ZFYVE16: variants seen among roughly 807,000 people sequenced by gnomAD.
The protein encoded by ZFYVE16 is zinc finger FYVE domain-containing protein 16.
A neutral mutation model predicts 138.1 loss-of-function variants in ZFYVE16; 89 were observed. The ratio of observed to expected loss-of-function variants is 0.64; its 90% CI spans 0.54 to 0.77. The LOEUF (loss-of-function observed/expected upper bound fraction) is 0.77. Among genes scored for constraint, ZFYVE16 ranks in the 30% least tolerant of loss-of-function variants. The pLI is 0.00. For synonymous variants in ZFYVE16, 596 were observed against 618.3 expected, an observed-to-expected ratio of 0.96 and a Z score of 0.53; for missense variants, 1,793 against 1,786.7, an observed-to-expected ratio of 1.00 and a Z score of -0.06.
chr5:80,414,895 C>A (rs144277077), intron 1 of ZFYVE16, among the ~76,000 whole-genome samples: 383 of 152,282 alleles, frequency 2.5e-3, no homozygotes, highest in African/African-American at 7.4e-3. Context: ...GGGTGATCCT[C>A]CCTTCAACCA....
intron 12 of ZFYVE16, 116 bp downstream of exon 12, chr5:80,455,890 C>A: frequency 1.1e-6 from 1 of 883,186 alleles, no homozygotes; most frequent in South Asian, 1.7e-5. Flanking sequence ...GGTATAATGA[C>A]CATTCATTTA....
intron 14 of ZFYVE16, 90 bp from the exon 15 acceptor site, chr5:80,459,313 TTTATTGAGTAC>T: frequency 3.6e-6 from 3 of 844,688 alleles, no homozygotes; most frequent in Non-Finnish European, 3.7e-6. Flanking sequence ...GGGTATAACA[TTTATTGAGTAC>T]TTATATGCAT....
intron 15 of ZFYVE16, among the ~76,000 whole-genome samples, chr5:80,467,144 C>T (rs893205712): frequency 2.0e-5 from 3 of 152,088 alleles, no homozygotes; most frequent in African/African-American, 4.8e-5. Flanking sequence ...GAGTGTTTGT[C>T]GAAATGGAAT....
rs1200173650 is a variant in ZFYVE16 at position 80,480,176 on chromosome 5, G to T, written c.*2799G>T. Among the ~76,000 whole-genome samples, 1 of 152,086 alleles carries T rather than the reference G, an allele frequency of 6.6e-6. No individual in the cohort carries two copies. The highest frequency in any genetic ancestry group is 1.5e-5 in the Non-Finnish European group (1 of 68,030). ...CAATGAAAACAAACTCACAGATATA[G>T]GTATTAGATTTGTTTTCTTTGTTTA... On this transcript the variant is annotated 3_prime_UTR_variant, in exon 19 of 19. Transcript: ENST00000505560.
At chr5:80,433,850 G>C (rs916268277) in intron 2 of ZFYVE16, among the ~76,000 whole-genome samples, 1 of 151,966 alleles carries the variant, frequency 6.6e-6, no homozygotes. Context: ...ATTCTTCTTT[G>C]ACCCATGAGT....
intron 14 of ZFYVE16, among the ~76,000 whole-genome samples, chr5:80,458,370 T>C (rs1336187482): frequency 2.0e-5 from 3 of 152,198 alleles, no homozygotes; most frequent in African/African-American, 4.8e-5. Context: ...ACCAATGTTA[T>C]CAGTTCTTAT....
chr5:80,410,274 G>C (rs950767928), intron 1 of ZFYVE16: 1 of 151,816 alleles, frequency 6.6e-6, no homozygotes, highest in African/African-American at 2.4e-5. Flanking sequence ...TTGTCACATT[G>C]TTTTCATGGG....
At position 80,448,665 on chromosome 5, in the gene ZFYVE16, G is replaced by A. The variant is rs73121770; in HGVS notation, c.3103+261G>A. Among the ~76,000 whole-genome samples the A allele has an allele frequency of 6.5e-3, 995 of 152,154 alleles. 9 individuals are homozygous for A. The highest frequency in any genetic ancestry group is 0.023 in the African/African-American group (936 of 41,536). Reference sequence around the variant, plus strand: ...GAAGCTCATAGACTTTTAGCCCGAAGAAATATTTCCATTGTATTAGAATTT... The same window carrying A: ...GAAGCTCATAGACTTTTAGCCCGAAAAAATATTTCCATTGTATTAGAATTT... On this transcript the variant is annotated intron_variant, in intron 8 of 18. Coordinates refer to ENST00000505560, the MANE Select transcript of ZFYVE16 (RefSeq NM_001284236.3).
In ZFYVE16 at chr5:80,426,256, G is replaced by C. The variant is rs1748015731; in HGVS notation, c.-93-1236G>C. ...TGTGTGTGTGTCTGTGTGTGTGTGT[G>C]TGTGTGTGTGTGTGTGTATATATAT... On this transcript the variant is annotated intron_variant, in intron 1 of 18. Transcript: ENST00000505560. Among the ~76,000 whole-genome samples the C allele has an allele frequency of 5.6e-5, 3 of 53,606 alleles. No homozygotes were observed. The South Asian group carries it at 1.9e-3, about 34-fold the overall frequency. 35.2% of individuals were successfully genotyped at this position (53,606 alleles called of 152,430 possible).
At chr5:80,414,636 C>T (rs1269000686) in intron 1 of ZFYVE16, among the ~76,000 whole-genome samples, 2 of 152,022 alleles carry the variant, frequency 1.3e-5, no homozygotes, top group Non-Finnish European at 2.9e-5. Context: ...ATTTTATGTG[C>T]CGGGCACTGG....
chr5:80,444,445 CT>C (rs61461674), intron 6 of ZFYVE16, among the ~76,000 whole-genome samples: 112,106 of 145,156 alleles, frequency 0.77, 46,041 homozygotes, highest in East Asian at 0.92. Flanking sequence ...AGACATTGAA[CT>C]TTTTTTTTTT....
intron 7 of ZFYVE16, among the ~76,000 whole-genome samples, chr5:80,447,228 A>G (rs890066204): frequency 2.4e-4 from 33 of 139,486 alleles, no homozygotes; most frequent in Admixed American, 9.0e-4. Context: ...GATTGCGCCA[A>G]TGTACTGCAG....
At chr5:80,423,389 T>A (rs543543549) in intron 1 of ZFYVE16, among the ~76,000 whole-genome samples, 2 of 152,298 alleles carry the variant, frequency 1.3e-5, no homozygotes, top group Non-Finnish European at 2.9e-5. Context: ...ATTTTTGTAA[T>A]TGATCGTTTA....
chr5:80,456,932 T>C lies in ZFYVE16; in HGVS notation c.3796-13T>C, dbSNP rs1752585979. 2 of 1,580,836 alleles carry C rather than the reference T, an allele frequency of 1.3e-6. No homozygotes were observed. The highest frequency in any genetic ancestry group is 1.7e-4 in the Middle Eastern group (1 of 5,936). ...GTTTCTAAATAAATGTTGTTGTTTT[T>C]GTTTTTTTCCAGGTAATGAAAGTAC... On this transcript the variant is annotated splice_polypyrimidine_tract_variant and intron_variant, in intron 13 of 18. Coordinates refer to ENST00000505560, the MANE Select transcript of ZFYVE16 (RefSeq NM_001284236.3).
chr5:80,439,917 G>T lies in ZFYVE16; in HGVS notation c.2323-19G>T. The T allele has an allele frequency of 6.3e-7, 1 of 1,588,208 alleles. No individual in the cohort carries two copies. The highest frequency in any genetic ancestry group is 1.1e-5 in the South Asian group (1 of 87,476). ...GTATTCTTGAAACAAAGACAAATTT[G>T]ATATTTTATTCTTTATAGGTATTTT... On this transcript the variant is annotated intron_variant, in intron 4 of 18. Coordinates refer to ENST00000505560, the MANE Select transcript of ZFYVE16 (RefSeq NM_001284236.3).
intron 3 of ZFYVE16, among the ~76,000 whole-genome samples, chr5:80,435,356 A>G (rs575037891): frequency 6.6e-6 from 1 of 152,072 alleles, no homozygotes; most frequent in East Asian, 1.9e-4. Context: ...TTTGGTAGAG[A>G]TGGGGTTTCA....
chr5:80,419,357 G>A (rs1054144203), intron 1 of ZFYVE16, among the ~76,000 whole-genome samples: 3 of 151,758 alleles, frequency 2.0e-5, no homozygotes, highest in Non-Finnish European at 4.4e-5. Flanking sequence ...GATTATAGGC[G>A]TGAGCCAACC....
At chr5:80,426,242 C>CTGTGTGTGTG (rs869080902) in intron 1 of ZFYVE16, among the ~76,000 whole-genome samples, 54 of 125,292 alleles carry the variant, frequency 4.3e-4, no homozygotes, top group African/African-American at 1.7e-3. Context: ...GTGTGTGTGT[C>CTGTGTGTGTG]TGTGTGTGTG....
At chr5:80,443,318 T>A (rs769625208) in intron 6 of ZFYVE16, 34 bp downstream of exon 6, 7 of 1,582,058 alleles carry the variant, frequency 4.4e-6, no homozygotes, top group African/African-American at 1.4e-5. Flanking sequence ...AGACTAAAGA[T>A]AAATTATTGA....
Sources: gnomAD v4.1 joint callset for allele counts (sites outside exome capture counted in the v4.1 genomes callset) on GRCh38, gnomAD v4.1.1 for gene constraint, MANE v1.5 for transcripts, NCBI Gene and HGNC (gene_info 2026-07-23, HGNC 2026-07-21) for gene names.